Variants in PARVA observed in about 807,000 individuals in gnomAD.
The protein encoded by PARVA is alpha-parvin.
PARVA carries 25 observed loss-of-function variants against 52.6 expected under a neutral mutation model. The observed-to-expected ratio is 0.48, with a 90% CI of 0.35 to 0.66. PARVA has a LOEUF of 0.66. Ranked by LOEUF, PARVA falls within the 30% of genes least tolerant of loss-of-function variation. PARVA has a pLI of 0.01. For synonymous variants in PARVA, 185 were observed against 179.1 expected (o/e 1.03, Z -0.26); for missense variants, 373 against 450.9 (o/e 0.83, Z 1.56).
intron 1 of PARVA, among the ~76,000 whole-genome samples, chr11:12,471,721 C>T (rs958165753): frequency 4.6e-5 from 7 of 152,144 alleles, no homozygotes; most frequent in African/African-American, 1.7e-4. Flanking sequence ...CACCTGTGGC[C>T]ATTGAGTACT....
rs1429953913 is a variant in PARVA at position 12,377,573 on chromosome 11, TCCCGCCGCCG to T, written c.-69_-60del. 2 of 1,497,260 alleles carry T rather than the reference TCCCGCCGCCG, an allele frequency of 1.3e-6. No homozygotes were observed. Among genetic ancestry groups the T allele is most frequent in the Middle Eastern group, 1.7e-4 (1 of 5,836 alleles). The allele number at this position is 1,497,260 out of a possible 1,614,324, so 92.7% of individuals were successfully genotyped here. A position where few individuals can be genotyped will look rare whatever the true frequency, so the allele number is the denominator to read the frequency against. On this transcript the variant is annotated 5_prime_UTR_variant, in exon 1 of 13. Transcript: ENST00000334956. ...TCCGTTTGGAAAGCCGCAGCCTCAG[TCCCGCCGCCG>T]CCCGCTGCGTCCGCCCAGCGCCAGC...
At position 12,413,319 on chromosome 11, in the gene PARVA, T is replaced by G. The variant is rs945434628; in HGVS notation, c.136+35536T>G. On this transcript the variant is annotated intron_variant, in intron 1 of 12. Transcript: ENST00000334956. ...CATGCCTCAAAAGGATATAAAATAG[T>G]TGCCAATCTTAAAACATGACTGTGC... is the stretch of plus-strand genomic sequence containing the variant. Among the ~76,000 whole-genome samples, 177 of 152,240 alleles carry G rather than the reference T, an allele frequency of 1.2e-3. 2 individuals carry two copies. The highest frequency in any genetic ancestry group is 4.1e-3 in the African/African-American group (171 of 41,460).
At chr11:12,382,949 T>G (rs1336045256) in intron 1 of PARVA, among the ~76,000 whole-genome samples, 2 of 152,274 alleles carry the variant, frequency 1.3e-5, no homozygotes. Flanking sequence ...CTTTGAAATT[T>G]GAAATAGTCT....
chr11:12,482,167 A>AAG (rs1554899705), intron 4 of PARVA, among the ~76,000 whole-genome samples: 1 of 151,564 alleles, frequency 6.6e-6, no homozygotes, highest in African/African-American at 2.4e-5. Context: ...AAAAAAAAAA[A>AAG]AAAAAGAAAA....
chr11:12,475,478 C>T (rs751787500), intron 3 of PARVA, among the ~76,000 whole-genome samples: 32 of 151,998 alleles, frequency 2.1e-4, no homozygotes, highest in Non-Finnish European at 3.8e-4. Flanking sequence ...ACCCCAAGGA[C>T]CTAGCACAGA....
chr11:12,420,718 T>G (rs1218089289), intron 1 of PARVA, among the ~76,000 whole-genome samples: 2 of 152,194 alleles, frequency 1.3e-5, no homozygotes, highest in Non-Finnish European at 2.9e-5. Flanking sequence ...TCTAAGCACT[T>G]TACAGGTCTT....
Position 12,514,044 on chromosome 11 carries a change from G to A in PARVA, c.846G>A (p.Glu282=). 6.2e-7 allele frequency: 1 copy of A among 1,613,950 alleles called. No homozygotes were observed. The highest frequency in any genetic ancestry group is 8.5e-7 in the Non-Finnish European group (1 of 1,179,862). ...VNKHLNKLNL[E]VTELETQFAD... ...AGCACCTGAATAAACTGAACCTGGA[G>A]GTCACAGAACTGGAAACCCAGGTGG... Residue 282 remains glutamate (E), a synonymous_variant, in exon 10 of 13, where the codon GAG becomes GAA. Transcript: ENST00000334956.
intron 1 of PARVA, among the ~76,000 whole-genome samples, chr11:12,435,602 T>C (rs757777451): frequency 8.5e-5 from 13 of 152,174 alleles, no homozygotes; most frequent in Non-Finnish European, 1.8e-4. Context: ...CAAACTCTCA[T>C]AGGTCATAAG....
At chr11:12,468,561 G>A (rs1390875326) in intron 1 of PARVA, among the ~76,000 whole-genome samples, 2 of 152,128 alleles carry the variant, frequency 1.3e-5, no homozygotes, top group African/African-American at 2.4e-5. Context: ...TATCAGTTAG[G>A]GAGTTTGGGC....
At chr11:12,461,587 A>G (rs548847711) in intron 1 of PARVA, among the ~76,000 whole-genome samples, 40 of 152,314 alleles carry the variant, frequency 2.6e-4, no homozygotes, top group Non-Finnish European at 4.1e-4. Flanking sequence ...GACCTCAAAT[A>G]ATGTTTCAAC....
intron 1 of PARVA, among the ~76,000 whole-genome samples, chr11:12,448,653 C>T (rs899318428): frequency 6.6e-6 from 1 of 152,082 alleles, no homozygotes; most frequent in East Asian, 1.9e-4. Flanking sequence ...CTGTTGAGCC[C>T]GAGTCAGCCT....
intron 6 of PARVA, among the ~76,000 whole-genome samples, chr11:12,504,905 A>G (rs1941416086): frequency 6.6e-6 from 1 of 152,026 alleles, no homozygotes; most frequent in East Asian, 1.9e-4. Context: ...CATATAAGGG[A>G]ATGTGTGTGT....
intron 1 of PARVA, among the ~76,000 whole-genome samples, chr11:12,398,063 C>A (rs1450994584): frequency 6.6e-6 from 1 of 152,102 alleles, no homozygotes; most frequent in South Asian, 2.1e-4. Flanking sequence ...GCTTCCAGTC[C>A]ATTTGGCAGG....
intron 7 of PARVA, among the ~76,000 whole-genome samples, chr11:12,510,082 A>G (rs1941486936): frequency 6.6e-6 from 1 of 152,242 alleles, no homozygotes; most frequent in South Asian, 2.1e-4. Flanking sequence ...CAATGTCCTA[A>G]TAATGACAAC....
At position 12,420,695 on chromosome 11, in the gene PARVA, T is replaced by G. The variant is rs545278789; in HGVS notation, c.136+42912T>G. On this transcript the variant is annotated intron_variant, in intron 1 of 12. Coordinates refer to ENST00000334956, the MANE Select transcript of PARVA (RefSeq NM_018222.5). Reference sequence around the variant, plus strand: ...TAACATTTATTGATTGCTTACTACATGCCAAACACTGTTCTAAGCACTTTA... The same window carrying G: ...TAACATTTATTGATTGCTTACTACAGGCCAAACACTGTTCTAAGCACTTTA... 2.7e-3 allele frequency among the ~76,000 whole-genome samples: 407 copies of G among 152,338 alleles called. 1 individual carries two copies. Among genetic ancestry groups the G allele is most frequent in the Non-Finnish European group, 4.6e-3 (316 of 68,032 alleles).
At chr11:12,518,834 C>A (rs1941604678) in intron 12 of PARVA, among the ~76,000 whole-genome samples, 1 of 152,220 alleles carries the variant, frequency 6.6e-6, no homozygotes, top group Admixed American at 6.5e-5. Context: ...TGCTGACCTG[C>A]CAAAGAGCTG....
At chr11:12,446,347 A>G (rs1039900387) in intron 1 of PARVA, among the ~76,000 whole-genome samples, 1 of 152,202 alleles carries the variant, frequency 6.6e-6, no homozygotes, top group Non-Finnish European at 1.5e-5. Flanking sequence ...AAAAATAAAA[A>G]GACCTACAAA....
chr11:12,393,044 GAA>G (rs60966710), intron 1 of PARVA, among the ~76,000 whole-genome samples: 2,470 of 46,042 alleles, frequency 0.054, 39 homozygotes, highest in African/African-American at 0.14. Context: ...CCCAAATTGT[GAA>G]AAAAAAAAAA....
rs1052377623 is a variant in PARVA, at chr11:12,471,340, T to C, written c.137-2405T>C. ...GGACATGGACATTAGTTGAATGGGATGACCTAGGACATTATCCACTTACTC... is the reference window on the plus strand; with the variant it reads ...GGACATGGACATTAGTTGAATGGGACGACCTAGGACATTATCCACTTACTC... On this transcript the variant is annotated intron_variant, in intron 1 of 12. Transcript: ENST00000334956. Among the ~76,000 whole-genome samples the C allele has an allele frequency of 4.1e-5, 6 of 145,614 alleles. No individual in the cohort carries two copies. In the Admixed American group the frequency reaches 4.3e-4, roughly 10 times the overall value.
Sources: gnomAD v4.1 joint callset for allele counts (sites outside exome capture counted in the v4.1 genomes callset) on GRCh38, gnomAD v4.1.1 for gene constraint, MANE v1.5 for transcripts, NCBI Gene and HGNC (gene_info 2026-07-23, HGNC 2026-07-21) for gene names.